Variants in SMURF2 observed in about 807,000 individuals in gnomAD.
The protein encoded by SMURF2 is SMAD specific E3 ubiquitin protein ligase 2, also known as E3 ubiquitin-protein ligase SMURF2.
In SMURF2, 48 loss-of-function variants were observed where a neutral mutation model predicts 109.6. That is an observed-to-expected ratio of 0.44 (90% CI 0.35 to 0.56). SMURF2 has a LOEUF of 0.56. Ranked by LOEUF, SMURF2 falls within the 20% of genes least tolerant of loss-of-function variation. The pLI, the probability that SMURF2 is intolerant of heterozygous loss-of-function variation, is 0.01. For missense variants in SMURF2, 575 were observed against 909.0 expected (o/e 0.63, Z 4.72); for synonymous variants, 288 against 317.1 (o/e 0.91, Z 0.97).
intron 5 of SMURF2, among the ~76,000 whole-genome samples, chr17:64,588,722 C>T (rs1426435777): frequency 1.3e-5 from 2 of 151,996 alleles, no homozygotes; most frequent in Non-Finnish European, 2.9e-5. Context: ...TAGGTTAAAG[C>T]GATTCTCCTG....
chr17:64,597,143 C>T (rs1969828971), intron 3 of SMURF2, among the ~76,000 whole-genome samples: 1 of 152,110 alleles, frequency 6.6e-6, no homozygotes, highest in African/African-American at 2.4e-5. Context: ...TCACAGCCCA[C>T]GCTTGTAATC....
intron 9 of SMURF2, among the ~76,000 whole-genome samples, chr17:64,576,485 A>G (rs1304330679): frequency 1.3e-5 from 2 of 151,640 alleles, no homozygotes; most frequent in Admixed American, 1.3e-4. Flanking sequence ...ACAACATGGC[A>G]AAATCCCGTC....
chr17:64,560,620 G>GA (rs1969199562), intron 12 of SMURF2, among the ~76,000 whole-genome samples: 2 of 152,150 alleles, frequency 1.3e-5, no homozygotes, highest in Admixed American at 1.3e-4. Flanking sequence ...TATATAAAAC[G>GA]AATTTTCACA....
At chr17:64,654,292 C>T (rs1317666823) in intron 1 of SMURF2, among the ~76,000 whole-genome samples, 4 of 152,152 alleles carry the variant, frequency 2.6e-5, no homozygotes, top group Non-Finnish European at 4.4e-5. Context: ...TCTGTTGACA[C>T]TTTTTAATAT....
rs2459504 is a variant in SMURF2 at position 64,617,603 on chromosome 17, C to T, written c.53-10963G>A. Among the ~76,000 whole-genome samples the T allele has an allele frequency of 4.0e-3, 607 of 152,190 alleles. 6 individuals are homozygous for T. The highest frequency in any genetic ancestry group is 0.014 in the African/African-American group (576 of 41,528). On this transcript the variant is annotated intron_variant, in intron 1 of 18. Coordinates refer to ENST00000262435, the MANE Select transcript of SMURF2 (RefSeq NM_022739.4). ...CTGGGCTCAAGAGATCCTCCCATCT[C>T]AACCTCTGAGTACCTGGGACTACAG...
At chr17:64,636,124 A>G (rs1295950736) in intron 1 of SMURF2, among the ~76,000 whole-genome samples, 1 of 151,940 alleles carries the variant, frequency 6.6e-6, no homozygotes, top group Non-Finnish European at 1.5e-5. Context: ...TTCTCTGGAG[A>G]ACTGTCTATT....
chr17:64,607,241 C>T (rs1555689134), intron 1 of SMURF2, among the ~76,000 whole-genome samples: 1 of 152,086 alleles, frequency 6.6e-6, no homozygotes, highest in Non-Finnish European at 1.5e-5. Flanking sequence ...CCCAAATCCA[C>T]ATTTTCCAAG....
In SMURF2 at chr17:64,574,130, T is replaced by TA. The variant is rs1173256527; in HGVS notation, c.858-2175dup. Among the ~76,000 whole-genome samples, 40 of 149,522 alleles carry TA rather than the reference T, an allele frequency of 2.7e-4. 1 individual carries two copies. Among genetic ancestry groups the TA allele is most frequent in the African/African-American group, 6.6e-4 (27 of 40,806 alleles). Reference sequence around the variant, plus strand: ...CACATGTACCCCTGAACCTAAAAGTTAAAAAAAAAATTAAAATAAAAAATG... The same window carrying TA: ...CACATGTACCCCTGAACCTAAAAGTTAAAAAAAAAAATTAAAATAAAAAATG... On this transcript the variant is annotated intron_variant, in intron 9 of 18. Coordinates refer to ENST00000262435, the MANE Select transcript of SMURF2 (RefSeq NM_022739.4).
intron 1 of SMURF2, among the ~76,000 whole-genome samples, chr17:64,614,747 A>G (rs1555689959): frequency 6.6e-6 from 1 of 152,226 alleles, no homozygotes. Flanking sequence ...CTCTCATTCA[A>G]CATTTCCTGA....
chr17:64,603,071 G>A (rs1270473415), intron 2 of SMURF2, among the ~76,000 whole-genome samples: 6 of 150,690 alleles, frequency 4.0e-5, no homozygotes, highest in Non-Finnish European at 8.8e-5. Context: ...CAACTCAAAA[G>A]TGTGCTACCT....
intron 1 of SMURF2, among the ~76,000 whole-genome samples, chr17:64,641,368 G>C (rs1195393714): frequency 2.0e-5 from 3 of 151,950 alleles, no homozygotes; most frequent in Non-Finnish European, 4.4e-5. Flanking sequence ...AAAACAAAAA[G>C]TAGCAGCACC....
Position 64,562,814 on chromosome 17 carries a change from G to C in SMURF2, c.1169C>G (p.Ala390Gly), listed in dbSNP as rs1555684644. The change falls in exon 11 of 19, where the codon GCA (alanine) becomes GGA (glycine). Residue 390 changes from alanine (A) to glycine (G), a missense_variant. Physicochemically the swap from Ala to Gly is moderately conservative, Grantham distance 60. Coordinates refer to ENST00000262435, the MANE Select transcript of SMURF2 (RefSeq NM_022739.4). ...RQELSQQQPQ[A>G]GHCRIEVSRE... ...GGAAACCTCAATGCGGCAATGACCT[G>C]CCTGAGGCTGTTGTTGGGAAAGTTC... 1 of 1,614,116 alleles carries C rather than the reference G, an allele frequency of 6.2e-7. No homozygotes were observed.
At chr17:64,588,162 TA>T (rs552935662) in intron 5 of SMURF2, among the ~76,000 whole-genome samples, 99 of 149,714 alleles carry the variant, frequency 6.6e-4, no homozygotes, top group Admixed American at 2.7e-4. Context: ...TAATCTCCTC[TA>T]AAAAAAATCA....
intron 1 of SMURF2, among the ~76,000 whole-genome samples, chr17:64,637,196 G>A (rs1477860383): frequency 2.0e-5 from 3 of 150,752 alleles, no homozygotes; most frequent in Admixed American, 1.3e-4. Flanking sequence ...GCACGGTCTC[G>A]GCTCACTACA....
At chr17:64,565,736 G>A (rs1969291656) in intron 10 of SMURF2, among the ~76,000 whole-genome samples, 1 of 151,988 alleles carries the variant, frequency 6.6e-6, no homozygotes, top group African/African-American at 2.4e-5. Flanking sequence ...TGAGAAAGAG[G>A]TAGCCCAGGA....
chr17:64,640,305 C>T (rs562704873), intron 1 of SMURF2, among the ~76,000 whole-genome samples: 2 of 152,154 alleles, frequency 1.3e-5, no homozygotes, highest in South Asian at 4.2e-4. Context: ...GATAATACAA[C>T]TGACACAGAA....
intron 1 of SMURF2, among the ~76,000 whole-genome samples, chr17:64,614,387 T>C (rs1451620207): frequency 1.3e-5 from 2 of 152,202 alleles, no homozygotes; most frequent in Non-Finnish European, 2.9e-5. Flanking sequence ...TAACTACAAA[T>C]GTAGCATTAC....
intron 1 of SMURF2, among the ~76,000 whole-genome samples, chr17:64,616,758 T>C (rs138044676): frequency 6.6e-6 from 1 of 151,550 alleles, no homozygotes; most frequent in African/African-American, 2.4e-5. Flanking sequence ...TCTCTCAGGC[T>C]AGTACTTCCT....
intron 1 of SMURF2, among the ~76,000 whole-genome samples, chr17:64,618,295 C>A (rs527946854): frequency 6.6e-6 from 1 of 152,172 alleles, no homozygotes; most frequent in South Asian, 2.1e-4. Flanking sequence ...AAAGTAAAAG[C>A]TCAGCTAAAG....
Sources: gnomAD v4.1 joint callset for allele counts (sites outside exome capture counted in the v4.1 genomes callset) on GRCh38, gnomAD v4.1.1 for gene constraint, MANE v1.5 for transcripts, NCBI Gene and HGNC (gene_info 2026-07-23, HGNC 2026-07-21) for gene names.